Variants in OR52E4 observed in about 807,000 individuals in gnomAD.
OR52E4 encodes olfactory receptor family 52 subfamily E member 4.
For synonymous variants in OR52E4, 169 were observed against 137.4 expected (o/e 1.23, Z -1.61); for missense variants, 444 against 383.8 (o/e 1.16, Z -1.31).
rs1847028476 is a variant in OR52E4 at position 5,885,390 on chromosome 11, C to G, written c.*159C>G. The G allele has an allele frequency of 1.8e-6, 1 of 567,316 alleles. No individual in the cohort carries two copies. The allele number at this position is 567,316 out of a possible 1,614,324, so 35.1% of individuals were successfully genotyped here. ...TTGACAGATAATGCAAACTTAAAAC[C>G]TTTGCTGCCTGTTTCCCCTACTTCT... On this transcript the variant is annotated 3_prime_UTR_variant, in exon 2 of 2. Transcript: ENST00000641726.
rs1380909585 is a variant in OR52E4 at position 5,885,153 on chromosome 11, C to A, written c.861C>A (p.Ala287=). ...LANLYVVVPP[A]LNPVIYGVRT... is the part of the protein sequence containing the mutation. ...ACCTGTATGTGGTTGTCCCACCTGC[C>A]CTTAACCCTGTCATTTATGGAGTCA... Residue 287 remains alanine (A), a synonymous_variant, in exon 2 of 2, where the codon GCC becomes GCA. Transcript: ENST00000641726. 2.5e-6 allele frequency: 4 copies of A among 1,613,278 alleles called. No homozygotes were observed. The highest frequency in any genetic ancestry group is 3.4e-6 in the Non-Finnish European group (4 of 1,179,618).
At position 5,884,769 on chromosome 11, in the gene OR52E4, C is replaced by A; in HGVS notation, c.477C>A (p.Thr159=). Residue 159 remains threonine, a synonymous_variant, in exon 2 of 2, where the codon ACC becomes ACA. Transcript: ENST00000641726. ...VVVGRNLVLV[T]PFVFLILRLP... ...TTGGAAGAAATTTAGTTCTTGTAAC[C>A]CCATTTGTGTTTCTCATTCTGCGTC... The A allele has an allele frequency of 6.2e-7, 1 of 1,613,532 alleles. No homozygotes were observed. Among genetic ancestry groups the A allele is most frequent in the Admixed American group, 1.7e-5 (1 of 59,868 alleles).
rs1448059833 is a variant in OR52E4 at position 5,885,144 on chromosome 11, C to T, written c.852C>T (p.Val284=). Residue 284 remains valine, a synonymous_variant, in exon 2 of 2, where the codon GTC becomes GTT. Transcript: ENST00000641726. The stretch of plus-strand genomic sequence containing the variant: ...TTTTGGCTAACCTGTATGTGGTTGT[C>T]CCACCTGCCCTTAACCCTGTCATTT... ...HILLANLYVV[V]PPALNPVIYG... 1 of 1,613,358 alleles carries T rather than the reference C, an allele frequency of 6.2e-7. No homozygotes were observed.
chr11:5,883,138 TACTA>T (rs1846986699), intron 1 of OR52E4, among the ~76,000 whole-genome samples: 2 of 152,092 alleles, frequency 1.3e-5, no homozygotes, highest in Admixed American at 1.3e-4. Context: ...TTTTTTATGT[TACTA>T]ACTGATGTTA....
At chr11:5,881,402 T>C (rs1338076123) in intron 1 of OR52E4, among the ~76,000 whole-genome samples, 1 of 152,160 alleles carries the variant, frequency 6.6e-6, no homozygotes, top group Non-Finnish European at 1.5e-5. Flanking sequence ...ATTCATCAAC[T>C]GCTTTGGTCT....
chr11:5,885,014 C>A lies in OR52E4; in HGVS notation c.722C>A (p.Thr241Asn), dbSNP rs1315307621. 6.2e-7 allele frequency: 1 copy of A among 1,613,262 alleles called. No individual in the cohort carries two copies. Among genetic ancestry groups the A allele is most frequent in the East Asian group, 2.2e-5 (1 of 44,846 alleles). ...GATGTCCGACTAAAGGCCTTCAATACCTGTGGTTCTCATGTCTGTGTTATG... is the reference window on the plus strand; with the variant it reads ...GATGTCCGACTAAAGGCCTTCAATAACTGTGGTTCTCATGTCTGTGTTATG... ...SQDVRLKAFN[T>N]CGSHVCVMLC... Residue 241 changes from threonine (T) to asparagine (N), a missense_variant, in exon 2 of 2, where the codon ACC becomes AAC. Transcript: ENST00000641726.
At position 5,884,889 on chromosome 11, in the gene OR52E4, C is replaced by A. The variant is rs746096918; in HGVS notation, c.597C>A (p.Ile199=). 13 of 1,612,978 alleles carry A rather than the reference C, an allele frequency of 8.1e-6. No individual in the cohort carries two copies. Among genetic ancestry groups the A allele is most frequent in the Non-Finnish European group, 1.0e-5 (12 of 1,179,338 alleles). Reference sequence around the variant, plus strand: ...GTGCACCCATTAAGATCAACATAATCTATGGGCTCATGGTGATTTCTTATA... The same window carrying A: ...GTGCACCCATTAAGATCAACATAATATATGGGCTCATGGTGATTTCTTATA... ...LACAPIKINI[I]YGLMVISYII... The change falls in exon 2 of 2, where the codon ATC becomes ATA. Residue 199 remains isoleucine (I), a synonymous_variant. Transcript: ENST00000641726.
At chr11:5,881,355 G>A (rs1846961264) in intron 1 of OR52E4, among the ~76,000 whole-genome samples, 1 of 152,084 alleles carries the variant, frequency 6.6e-6, no homozygotes, top group African/African-American at 2.4e-5. Flanking sequence ...GCACAGTTAT[G>A]GAAGAGCCTG....
intron 1 of OR52E4, among the ~76,000 whole-genome samples, chr11:5,881,987 A>G (rs985108067): frequency 1.1e-4 from 17 of 152,120 alleles, no homozygotes; most frequent in African/African-American, 3.9e-4. Context: ...AACAAAGTAA[A>G]AAAAATCACA....
rs16926717 is a variant in OR52E4, at chr11:5,885,514, T to C, written c.*283T>C. ...TAGAACTGCTTGTAAACAAGGGTGA[T>C]AGGTAGCTCCATTTTTTTCCATATG... On this transcript the variant is annotated 3_prime_UTR_variant, in exon 2 of 2. Coordinates refer to ENST00000641726, the MANE Select transcript of OR52E4 (RefSeq NM_001005165.2). The C allele has an allele frequency of 6.8e-3, 1,946 of 285,970 alleles. 50 individuals carry two copies. The highest frequency in any genetic ancestry group is 0.04 in the African/African-American group (1,805 of 45,622). The allele number at this position is 285,970 out of a possible 1,614,324, so 17.7% of individuals were successfully genotyped here.
chr11:5,883,652 G>A (rs1846994617), intron 1 of OR52E4, among the ~76,000 whole-genome samples: 1 of 151,774 alleles, frequency 6.6e-6, no homozygotes, highest in Admixed American at 6.6e-5. Context: ...GAAATTAGTT[G>A]TAAAAATGGT....
rs1273347450 is a variant in OR52E4, at chr11:5,885,437, T to C, written c.*206T>C. Reference sequence around the variant, plus strand: ...TTCTCTCCAAGTACCTGGACAAAGGTTAGAGATTAATGGAGAAGGTAACTA... The same window carrying C: ...TTCTCTCCAAGTACCTGGACAAAGGCTAGAGATTAATGGAGAAGGTAACTA... On this transcript the variant is annotated 3_prime_UTR_variant, in exon 2 of 2. Transcript: ENST00000641726. The C allele has an allele frequency of 6.0e-6, 3 of 501,872 alleles. No homozygotes were observed. The highest frequency in any genetic ancestry group is 1.0e-5 in the Non-Finnish European group (3 of 285,884). 31.1% of individuals were successfully genotyped at this position (501,872 alleles called of 1,614,324 possible).
At chr11:5,884,147 T>C in intron 1 of OR52E4, 72 bp from the exon 2 acceptor site, 1 of 634,024 alleles carries the variant, frequency 1.6e-6, no homozygotes, top group Non-Finnish European at 2.8e-6. Context: ...GAAGTGAGTC[T>C]TGAATGTTTG....
rs1315847158 is a variant in OR52E4 at position 5,885,162 on chromosome 11, T to C, written c.870T>C (p.Pro290=). ...LYVVVPPALN[P]VIYGVRTKQI... is the part of the protein sequence containing the mutation. ...TGGTTGTCCCACCTGCCCTTAACCC[T>C]GTCATTTATGGAGTCAGGACCAAGC... The change falls in exon 2 of 2, where the codon CCT becomes CCC. Residue 290 remains proline, a synonymous_variant. Transcript: ENST00000641726. 6.2e-7 allele frequency: 1 copy of C among 1,613,246 alleles called. No individual in the cohort carries two copies. The highest frequency in any genetic ancestry group is 1.3e-5 in the African/African-American group (1 of 74,964).
chr11:5,884,592 T>TC lies in OR52E4; in HGVS notation c.301dup (p.Leu101ProfsTer23), dbSNP rs1243345408. The TC allele has an allele frequency of 6.2e-7, 1 of 1,613,482 alleles. No individual in the cohort carries two copies. The highest frequency in any genetic ancestry group is 8.5e-7 in the Non-Finnish European group (1 of 1,179,690). On this transcript the variant is annotated frameshift_variant, in exon 2 of 2. Transcript: ENST00000641726. LOFTEE classifies it low-confidence loss of function (END_TRUNC). ...AAGAGATCAGCTTTGGGGGATGCCT[T>TC]CTTCAGATGTTCTTTATTCACATGT...
At position 5,882,046 on chromosome 11, in the gene OR52E4, T is replaced by C. The variant is rs192044111; in HGVS notation, c.-75+1332T>C. On this transcript the variant is annotated intron_variant, in intron 1 of 1. Coordinates refer to ENST00000641726, the MANE Select transcript of OR52E4 (RefSeq NM_001005165.2). Reference sequence around the variant, plus strand: ...AGCACAATAAGAGAAAAATTGCTAATTGTTATGAATTTGTCTTTTCAGATG... The same window carrying C: ...AGCACAATAAGAGAAAAATTGCTAACTGTTATGAATTTGTCTTTTCAGATG... Among the ~76,000 whole-genome samples the C allele has an allele frequency of 2.3e-3, 354 of 152,208 alleles. 1 individual carries two copies. Among genetic ancestry groups the C allele is most frequent in the African/African-American group, 8.3e-3 (344 of 41,556 alleles).
intron 1 of OR52E4, among the ~76,000 whole-genome samples, chr11:5,883,547 A>G (rs1846992873): frequency 6.6e-6 from 1 of 151,742 alleles, no homozygotes; most frequent in Non-Finnish European, 1.5e-5. Flanking sequence ...ATTAGACATT[A>G]GAGCAAAATT....
In OR52E4 at chr11:5,884,938, G is replaced by T; in HGVS notation, c.646G>T (p.Ala216Ser). ...SYIIVDVILI[A>S]SSYVLILRAV... The stretch of plus-strand genomic sequence containing the variant: ...TATTATTGTGGATGTGATCTTAATT[G>T]CCTCTTCCTATGTGCTTATCCTTAG... Residue 216 changes from alanine to serine, a missense_variant, in exon 2 of 2, where the codon GCC (alanine) becomes TCC (serine). Coordinates refer to ENST00000641726, the MANE Select transcript of OR52E4 (RefSeq NM_001005165.2). 1 of 1,612,810 alleles carries T rather than the reference G, an allele frequency of 6.2e-7. No homozygotes were observed. Among genetic ancestry groups the T allele is most frequent in the East Asian group, 2.2e-5 (1 of 44,822 alleles).
At position 5,885,410 on chromosome 11, in the gene OR52E4, A is replaced by G. The variant is rs1847028798; in HGVS notation, c.*179A>G. On this transcript the variant is annotated 3_prime_UTR_variant, in exon 2 of 2. Transcript: ENST00000641726. ...AAAACCTTTGCTGCCTGTTTCCCCT[A>G]CTTCTCTCCAAGTACCTGGACAAAG... is the stretch of plus-strand genomic sequence containing the variant. 1.9e-6 allele frequency: 1 copy of G among 539,900 alleles called. No individual in the cohort carries two copies. The highest frequency in any genetic ancestry group is 3.2e-6 in the Non-Finnish European group (1 of 308,616). 33.4% of individuals were successfully genotyped at this position (539,900 alleles called of 1,614,324 possible). A position where few individuals can be genotyped will look rare whatever the true frequency, so the allele number is the denominator to read the frequency against.
Sources: gnomAD v4.1 joint callset for allele counts (sites outside exome capture counted in the v4.1 genomes callset) on GRCh38, gnomAD v4.1.1 for gene constraint, MANE v1.5 for transcripts, NCBI Gene and HGNC (gene_info 2026-07-23, HGNC 2026-07-21) for gene names.